Variants in MYT1L observed in about 807,000 individuals in gnomAD.
The protein encoded by MYT1L is myelin transcription factor 1-like protein.
MYT1L carries 12 observed loss-of-function variants against 126.7 expected under a neutral mutation model. The observed-to-expected ratio is 0.09, with a 90% CI of 0.06 to 0.15. The LOEUF (loss-of-function observed/expected upper bound fraction) is 0.15, where lower values mean the gene tolerates loss of function less well. Among genes scored for constraint, MYT1L ranks in the 10% least tolerant of loss-of-function variants. The probability of loss-of-function intolerance (pLI) is 1.00; values close to 1 mark genes in which losing one functional copy is unlikely to be tolerated. For missense variants in MYT1L, 979 were observed against 1,585.2 expected (o/e 0.62, Z 6.49); for synonymous variants, 541 against 604.2 (o/e 0.90, Z 1.53).
intron 3 of MYT1L, among the ~76,000 whole-genome samples, chr2:2,124,567 A>G (rs1004030462): frequency 1.3e-5 from 2 of 152,198 alleles, no homozygotes; most frequent in African/African-American, 4.8e-5. Context: ...AAGTGCTGGG[A>G]TTACAGGTGT....
At chr2:2,178,980 T>G (rs537518689) in intron 2 of MYT1L, among the ~76,000 whole-genome samples, 4 of 152,294 alleles carry the variant, frequency 2.6e-5, no homozygotes, top group African/African-American at 9.6e-5. Flanking sequence ...GACGTTTCCA[T>G]GGGGCTTAGA....
intron 23 of MYT1L, among the ~76,000 whole-genome samples, chr2:1,795,133 A>G (rs965640270): frequency 6.6e-6 from 1 of 152,340 alleles, no homozygotes; most frequent in Admixed American, 6.5e-5. Context: ...GGGTGGCAAG[A>G]AGCTGAGTGT....
rs563041858 is a variant in MYT1L at position 2,224,709 on chromosome 2, C to G, written c.-420-51721G>C. 1.3e-5 allele frequency among the ~76,000 whole-genome samples: 2 copies of G among 151,800 alleles called. No homozygotes were observed. The highest frequency in any genetic ancestry group is 4.8e-5 in the African/African-American group (2 of 41,370). ...TGGCGGGCACCTGTAGTCCCAGCTA[C>G]TTGGGAAGCTGAGACAGGAGAATGA... is the stretch of plus-strand genomic sequence containing the variant. On this transcript the variant is annotated intron_variant, in intron 2 of 24. Transcript: ENST00000647738. This position sits in a 1 kb window ranked among gnomAD's most constrained non-coding sequence, Gnocchi z 4.0.
At chr2:2,312,344 C>T (rs1262087160) in intron 1 of MYT1L, among the ~76,000 whole-genome samples, 1 of 152,152 alleles carries the variant, frequency 6.6e-6, no homozygotes, top group Non-Finnish European at 1.5e-5. Flanking sequence ...AGGGTAGTGG[C>T]TCATGACTGT....
In MYT1L at chr2:2,311,175, G is replaced by A. The variant is rs554918107; in HGVS notation, c.-521+19792C>T. Among the ~76,000 whole-genome samples the A allele has an allele frequency of 3.3e-4, 51 of 152,296 alleles. 1 individual carries two copies. In the South Asian group the frequency reaches 9.5e-3, roughly 28 times the overall value. On this transcript the variant is annotated intron_variant, in intron 1 of 24. Transcript: ENST00000647738. The stretch of plus-strand genomic sequence containing the variant: ...CAAATGACATGTAAGAAACTTAAAG[G>A]TTTGATAACCAAGACCACATAAGAG...
intron 9 of MYT1L, among the ~76,000 whole-genome samples, chr2:1,940,034 G>C (rs1446242484): frequency 2.0e-5 from 3 of 152,262 alleles, no homozygotes; most frequent in African/African-American, 7.2e-5. Context: ...GGCCCCGCAA[G>C]GGCATGCAAA....
chr2:2,006,237 C>A (rs1277856741), intron 4 of MYT1L, among the ~76,000 whole-genome samples: 2 of 152,136 alleles, frequency 1.3e-5, no homozygotes, highest in East Asian at 3.9e-4. Flanking sequence ...CCTAGTTTCT[C>A]CATTTCATTA....
At chr2:2,305,385 G>A (rs938868123) in intron 1 of MYT1L, among the ~76,000 whole-genome samples, 5 of 152,202 alleles carry the variant, frequency 3.3e-5, no homozygotes, top group Non-Finnish European at 5.9e-5. Flanking sequence ...ACACAGAAAT[G>A]AAGTGCAACA....
chr2:1,969,320 C>G (rs1011806642), intron 8 of MYT1L, among the ~76,000 whole-genome samples: 1 of 152,234 alleles, frequency 6.6e-6, no homozygotes, highest in African/African-American at 2.4e-5. Flanking sequence ...TCAGATTTGT[C>G]TATGCCGTTG....
chr2:2,109,295 T>G lies in MYT1L; in HGVS notation c.-303-55172A>C, dbSNP rs188354097. On this transcript the variant is annotated intron_variant, in intron 3 of 24. Coordinates refer to ENST00000647738, the MANE Select transcript of MYT1L (RefSeq NM_001303052.2). ...TGTCCCAGGAGTAGCAGGAACACAC[T>G]TGGCTGGGAAGTCCCACTCCCTGAC... Among the ~76,000 whole-genome samples, 195 of 152,328 alleles carry G rather than the reference T, an allele frequency of 1.3e-3. 1 individual carries two copies. The highest frequency in any genetic ancestry group is 4.0e-3 in the African/African-American group (168 of 41,566).
At chr2:2,278,174 T>C (rs1437767062) in intron 2 of MYT1L, among the ~76,000 whole-genome samples, 1 of 152,202 alleles carries the variant, frequency 6.6e-6, no homozygotes, top group Non-Finnish European at 1.5e-5. Context: ...CACTAATGGG[T>C]GGCCTACATG....
intron 14 of MYT1L, among the ~76,000 whole-genome samples, chr2:1,902,440 G>A (rs1385017087): frequency 6.6e-6 from 1 of 152,190 alleles, no homozygotes; most frequent in African/African-American, 2.4e-5. Flanking sequence ...GGGGGACTCC[G>A]GTGCCGGTCT....
chr2:2,142,831 C>G (rs1386200763), intron 3 of MYT1L, among the ~76,000 whole-genome samples: 1 of 151,754 alleles, frequency 6.6e-6, no homozygotes, highest in Admixed American at 6.6e-5. Context: ...GGATTACAGG[C>G]ACGCACCACC....
intron 3 of MYT1L, among the ~76,000 whole-genome samples, chr2:2,148,421 G>A (rs1218274157): frequency 1.3e-5 from 2 of 152,190 alleles, no homozygotes; most frequent in Non-Finnish European, 2.9e-5. Context: ...GGGGGGCGGA[G>A]CTCAGGCTGC....
intron 2 of MYT1L, among the ~76,000 whole-genome samples, chr2:2,199,910 A>C (rs2148816572): frequency 6.6e-6 from 1 of 152,292 alleles, no homozygotes; most frequent in South Asian, 2.1e-4. Flanking sequence ...AATAAAATGC[A>C]GCTCAGAGTG....
intron 2 of MYT1L, among the ~76,000 whole-genome samples, chr2:2,195,818 A>C (rs1315056542): frequency 6.6e-6 from 1 of 152,260 alleles, no homozygotes; most frequent in South Asian, 2.1e-4. Flanking sequence ...GAATTAGTGA[A>C]CTGGAAAATG....
At chr2:2,289,553 C>A (rs1438986367) in intron 1 of MYT1L, among the ~76,000 whole-genome samples, 1 of 152,100 alleles carries the variant, frequency 6.6e-6, no homozygotes, top group African/African-American at 2.4e-5. Context: ...AAAAACATAA[C>A]AACCTGCAAA....
intron 3 of MYT1L, among the ~76,000 whole-genome samples, chr2:2,110,154 G>T (rs1009464203): frequency 6.6e-6 from 1 of 151,572 alleles, no homozygotes; most frequent in Non-Finnish European, 1.5e-5. Context: ...ACCTGAGGTC[G>T]TGCCATAACC....
At chr2:2,307,252 T>C (rs556202299) in intron 1 of MYT1L, among the ~76,000 whole-genome samples, 1 of 152,258 alleles carries the variant, frequency 6.6e-6, no homozygotes, top group African/African-American at 2.4e-5. Context: ...ACTCTGGTAT[T>C]GTTTGAGCAG....
Sources: allele counts gnomAD v4.1 joint callset (sites outside exome capture counted in the v4.1 genomes callset), GRCh38; gene constraint gnomAD v4.1.1; non-coding constraint Gnocchi (gnomAD v3.1); transcripts MANE v1.5; gene names NCBI Gene and HGNC (gene_info 2026-07-23, HGNC 2026-07-21).